GSG1L: variants seen among roughly 807,000 people sequenced by gnomAD.
GSG1L encodes GSG1 like, also known as germ cell-specific gene 1-like protein.
In GSG1L, 24 loss-of-function variants were observed where a neutral mutation model predicts 42.1. The observed-to-expected ratio is 0.57, with a 90% CI of 0.41 to 0.80. The LOEUF is 0.80. Among genes scored for constraint, GSG1L ranks in the 30% least tolerant of loss-of-function variants. The probability of loss-of-function intolerance (pLI) is 0.00; values close to 1 mark genes in which losing one functional copy is unlikely to be tolerated. For missense variants in GSG1L, 445 were observed against 472.2 expected (o/e 0.94, Z 0.53); for synonymous variants, 215 against 203.5 (o/e 1.06, Z -0.48).
intron 2 of GSG1L, among the ~76,000 whole-genome samples, chr16:27,918,572 T>C (rs1441386506): frequency 1.3e-5 from 2 of 149,974 alleles, no homozygotes; most frequent in African/African-American, 4.9e-5. Context: ...GGCAGGAGAA[T>C]CACTTGAACC....
At chr16:28,052,270 T>C (rs936647390) in intron 1 of GSG1L, among the ~76,000 whole-genome samples, 1 of 152,010 alleles carries the variant, frequency 6.6e-6, no homozygotes, top group Non-Finnish European at 1.5e-5. Context: ...GTTCCCTGGT[T>C]TCTACTTTCT....
At chr16:28,011,349 T>C (rs1230854079) in intron 1 of GSG1L, among the ~76,000 whole-genome samples, 1 of 152,192 alleles carries the variant, frequency 6.6e-6, no homozygotes, top group Non-Finnish European at 1.5e-5. Flanking sequence ...TGAGCTCACA[T>C]GCTTTGGGGA....
chr16:28,002,151 C>T lies in GSG1L; in HGVS notation c.350-38948G>A, dbSNP rs143956510. On this transcript the variant is annotated intron_variant, in intron 1 of 6. Transcript: ENST00000447459. ...TTCCAGCAGGAGAAACAGATGTAAA[C>T]AAGTCAACAAATAAATAAACAACAG... 4.3e-3 allele frequency among the ~76,000 whole-genome samples: 662 copies of T among 152,260 alleles called. 8 individuals are homozygous for T. Among genetic ancestry groups the T allele is most frequent in the Middle Eastern group, 0.027 (8 of 294 alleles).
intron 6 of GSG1L, among the ~76,000 whole-genome samples, chr16:27,795,715 A>C (rs576665757): frequency 6.6e-6 from 1 of 152,112 alleles, no homozygotes; most frequent in Non-Finnish European, 1.5e-5. Context: ...TTTTCTGGGA[A>C]CCTCCCAAGG....
intron 1 of GSG1L, among the ~76,000 whole-genome samples, chr16:28,009,599 C>T (rs1000021486): frequency 3.9e-5 from 6 of 152,194 alleles, no homozygotes; most frequent in Admixed American, 6.5e-5. Flanking sequence ...CGTGCTGTGT[C>T]ATTACCCCCG....
intron 6 of GSG1L, among the ~76,000 whole-genome samples, chr16:27,797,150 C>T (rs546028553): frequency 6.6e-6 from 1 of 152,346 alleles, no homozygotes; most frequent in Admixed American, 6.5e-5. Context: ...ACTGCTGAGA[C>T]TTGAATCTAG....
At chr16:28,018,144 C>A (rs1479850722) in intron 1 of GSG1L, among the ~76,000 whole-genome samples, 2 of 152,168 alleles carry the variant, frequency 1.3e-5, no homozygotes, top group Non-Finnish European at 2.9e-5. Flanking sequence ...ATTTTCCACT[C>A]CATACCATCA....
At chr16:28,060,689 C>A (rs1439184350) in intron 1 of GSG1L, among the ~76,000 whole-genome samples, 1 of 152,064 alleles carries the variant, frequency 6.6e-6, no homozygotes, top group Non-Finnish European at 1.5e-5. Flanking sequence ...AGCTCCCTTG[C>A]CAGAATCCCC....
At chr16:28,041,730 C>A (rs139829109) in intron 1 of GSG1L, among the ~76,000 whole-genome samples, 62 of 152,336 alleles carry the variant, frequency 4.1e-4, no homozygotes, top group African/African-American at 1.3e-3. Flanking sequence ...TCACTTTTCA[C>A]AAGGTTGCTG....
At chr16:27,962,000 T>C (rs1203236435) in intron 2 of GSG1L, among the ~76,000 whole-genome samples, 2 of 152,124 alleles carry the variant, frequency 1.3e-5, no homozygotes, top group East Asian at 3.8e-4. Flanking sequence ...CTGCCTCAGT[T>C]TCCCCTCCCC....
chr16:27,914,511 C>T (rs2084428421), intron 2 of GSG1L, among the ~76,000 whole-genome samples: 2 of 150,952 alleles, frequency 1.3e-5, no homozygotes, highest in African/African-American at 2.4e-5. Context: ...TCTTTCTTTT[C>T]CTTTTTCTTT....
intron 1 of GSG1L, among the ~76,000 whole-genome samples, chr16:28,003,325 C>T (rs1254784355): frequency 6.6e-6 from 1 of 152,240 alleles, no homozygotes; most frequent in African/African-American, 2.4e-5. Flanking sequence ...TCGCTGAACC[C>T]AGCAGCAGGG....
rs544506325 is a variant in GSG1L, at chr16:27,888,953, T to C, written c.398-4315A>G. Among the ~76,000 whole-genome samples the C allele has an allele frequency of 5.9e-4, 89 of 151,206 alleles. No individual in the cohort carries two copies. In the East Asian group the frequency reaches 0.017, roughly 28 times the overall value. ...ATAGATATAGATATAGATATAGATA[T>C]AGATATAGATATAGATATAGATAGA... On this transcript the variant is annotated intron_variant, in intron 2 of 6. Coordinates refer to ENST00000447459, the MANE Select transcript of GSG1L (RefSeq NM_001109763.2).
intron 2 of GSG1L, among the ~76,000 whole-genome samples, chr16:27,910,844 T>C (rs2084378849): frequency 6.6e-6 from 1 of 152,068 alleles, no homozygotes; most frequent in Non-Finnish European, 1.5e-5. Flanking sequence ...TGAAAGCCCA[T>C]ATCTACAAAA....
intron 4 of GSG1L, 102 bp downstream of exon 4, chr16:27,844,848 T>TACC: frequency 7.4e-6 from 1 of 135,614 alleles, no homozygotes. Flanking sequence ...CCATTTCTCC[T>TACC]CCCCCCCACC....
chr16:28,022,274 G>T (rs942690013), intron 1 of GSG1L, among the ~76,000 whole-genome samples: 3 of 151,986 alleles, frequency 2.0e-5, no homozygotes, highest in Non-Finnish European at 2.9e-5. Flanking sequence ...GTTCAATCAG[G>T]GATAAATCAT....
Position 27,987,945 on chromosome 16 carries a change from CAAA to C in GSG1L, c.350-24745_350-24743del, listed in dbSNP as rs56395297. Among the ~76,000 whole-genome samples, 550 of 92,784 alleles carry C rather than the reference CAAA, an allele frequency of 5.9e-3. 3 individuals carry two copies. Among genetic ancestry groups the C allele is most frequent in the Middle Eastern group, 0.015 (2 of 134 alleles). 60.9% of individuals were successfully genotyped at this position (92,784 alleles called of 152,430 possible). A position where few individuals can be genotyped will look rare whatever the true frequency, so the allele number is the denominator to read the frequency against. On this transcript the variant is annotated intron_variant, in intron 1 of 6. Transcript: ENST00000447459. ...CTGGCAACAGAGCAAGACTCCGTCTCAAAAAAAAAAAAAAAAAAAAAACCGGAA... is the reference window on the plus strand; with the variant it reads ...CTGGCAACAGAGCAAGACTCCGTCTCAAAAAAAAAAAAAAAAAAACCGGAA...
chr16:27,832,044 C>T (rs1456312028), intron 4 of GSG1L, among the ~76,000 whole-genome samples: 1 of 152,166 alleles, frequency 6.6e-6, no homozygotes, highest in African/African-American at 2.4e-5. Flanking sequence ...TCTAAGAAGC[C>T]CCCTCTCCAT....
chr16:27,962,345 A>C lies in GSG1L; in HGVS notation c.397+811T>G, dbSNP rs981032474. 2.8e-4 allele frequency among the ~76,000 whole-genome samples: 42 copies of C among 152,200 alleles called. 1 individual carries two copies. Among genetic ancestry groups the C allele is most frequent in the African/African-American group, 1.0e-3 (42 of 41,442 alleles). Reference sequence around the variant, plus strand: ...GTGGGATAACTTCTGGGAACCTTAGAGTTTGCCCTTCCTGCATCCTGCTGC... The same window carrying C: ...GTGGGATAACTTCTGGGAACCTTAGCGTTTGCCCTTCCTGCATCCTGCTGC... On this transcript the variant is annotated intron_variant, in intron 2 of 6. Transcript: ENST00000447459.
Sources: allele counts gnomAD v4.1 joint callset (sites outside exome capture counted in the v4.1 genomes callset), GRCh38; gene constraint gnomAD v4.1.1; transcripts MANE v1.5; gene names NCBI Gene and HGNC (gene_info 2026-07-23, HGNC 2026-07-21).